PHYH: variants seen among roughly 807,000 people sequenced by gnomAD.
PHYH encodes the protein phytanoyl-CoA 2-hydroxylase.
A neutral mutation model predicts 38.5 loss-of-function variants in PHYH; 32 were observed. The observed-to-expected ratio is 0.83, with a 90% CI of 0.63 to 1.12. PHYH has a LOEUF of 1.12. Ranked by LOEUF, PHYH falls within the 50% of genes most tolerant of loss-of-function variation. PHYH has a pLI of 0.00. For missense variants in PHYH, 426 were observed against 434.8 expected (o/e 0.98, Z 0.18); for synonymous variants, 166 against 157.9 (o/e 1.05, Z -0.38).
At chr10:13,298,491 G>A (rs925493514) in intron 1 of PHYH, among the ~76,000 whole-genome samples, 3 of 151,126 alleles carry the variant, frequency 2.0e-5, no homozygotes, top group African/African-American at 2.4e-5. Context: ...ACCTGAGGTC[G>A]GGATTTCGAG....
intron 1 of PHYH, chr10:13,299,596 C>A (rs1058595): frequency 9.6e-7 from 1 of 1,038,806 alleles, no homozygotes; most frequent in Non-Finnish European, 1.2e-6. Context: ...GGCAGCCCTG[C>A]GCGCCTGTGC....
intron 7 of PHYH, among the ~76,000 whole-genome samples, chr10:13,282,545 TTGCATCACTG>T (rs1177586342): frequency 6.9e-6 from 1 of 145,776 alleles, no homozygotes; most frequent in Non-Finnish European, 1.5e-5. Context: ...TCAGCTGAGA[TTGCATCACTG>T]CAATCCAGCC....
At chr10:13,290,115 CAAAAAAA>C (rs1172422242) in intron 5 of PHYH, among the ~76,000 whole-genome samples, 469 of 33,414 alleles carry the variant, frequency 0.014, 7 homozygotes, top group African/African-American at 0.051. Flanking sequence ...CTAAAAATAC[CAAAAAAA>C]AAAAAAAAAA....
At chr10:13,299,463 A>G in intron 1 of PHYH, 1 of 1,002,556 alleles carries the variant, frequency 1.0e-6, no homozygotes, top group Non-Finnish European at 1.2e-6. Context: ...ACTCAGTGGC[A>G]ATGCCGTAGT....
At chr10:13,290,141 A>G (rs1216530962) in intron 5 of PHYH, among the ~76,000 whole-genome samples, 2 of 142,176 alleles carry the variant, frequency 1.4e-5, no homozygotes, top group Non-Finnish European at 3.1e-5. Flanking sequence ...AAAAAAAAAA[A>G]AAAATTAGCT....
At chr10:13,286,669 C>G (rs1463393067) in intron 6 of PHYH, among the ~76,000 whole-genome samples, 4 of 149,878 alleles carry the variant, frequency 2.7e-5, no homozygotes, top group African/African-American at 7.4e-5. Flanking sequence ...CCACTGCACT[C>G]CAGCCTGGTG....
chr10:13,281,374 G>C (rs775529116), intron 7 of PHYH, among the ~76,000 whole-genome samples: 6 of 151,234 alleles, frequency 4.0e-5, no homozygotes, highest in African/African-American at 7.3e-5. Flanking sequence ...AGAGGGAATG[G>C]AATTATGTCA....
At chr10:13,294,065 G>A (rs2985297) in intron 4 of PHYH, among the ~76,000 whole-genome samples, 104,212 of 151,730 alleles carry the variant, frequency 0.69, 36,578 homozygotes, top group South Asian at 0.83. Context: ...AGCCAGGTGT[G>A]GTGGCAGGCA....
At chr10:13,287,493 C>T (rs1445809381) in intron 6 of PHYH, among the ~76,000 whole-genome samples, 3 of 152,134 alleles carry the variant, frequency 2.0e-5, no homozygotes. Context: ...TTTTTGGGCT[C>T]ACCTCCTCTG....
chr10:13,279,995 G>C (rs1234722627), intron 8 of PHYH, among the ~76,000 whole-genome samples: 1 of 152,178 alleles, frequency 6.6e-6, no homozygotes, highest in Non-Finnish European at 1.5e-5. Context: ...TTGAGACAGA[G>C]TCTCGCTCTG....
At chr10:13,282,287 A>T (rs904317706) in intron 7 of PHYH, among the ~76,000 whole-genome samples, 3 of 152,044 alleles carry the variant, frequency 2.0e-5, no homozygotes, top group African/African-American at 7.2e-5. Flanking sequence ...ATGTTTTAAA[A>T]TAAAAGCATT....
In PHYH at chr10:13,294,827, T is replaced by C. The variant is rs139965328; in HGVS notation, c.246-231A>G. On this transcript the variant is annotated intron_variant, in intron 3 of 8. Transcript: ENST00000263038. ...GCATACCAGTAGGGAAGTCTTTTTA[T>C]AATTTGGTTACATTGTAATAATAAT... 95 of 545,118 alleles carry C rather than the reference T, an allele frequency of 1.7e-4. No individual in the cohort carries two copies. The East Asian group carries it at 3.0e-3, about 17-fold the overall frequency. The allele number at this position is 545,118 out of a possible 1,614,324, so 33.8% of individuals were successfully genotyped here.
chr10:13,290,410 C>G (rs531168551), intron 5 of PHYH, among the ~76,000 whole-genome samples: 1 of 152,296 alleles, frequency 6.6e-6, no homozygotes, highest in Admixed American at 6.5e-5. Context: ...CTGGTTTGCT[C>G]CCTGAGTGTG....
chr10:13,283,883 T>G (rs1835480625), intron 6 of PHYH, 44 bp from the exon 7 acceptor site: 1 of 1,538,710 alleles, frequency 6.5e-7, no homozygotes, highest in Admixed American at 1.7e-5. Flanking sequence ...GGGAGTACCA[T>G]AATTAAAAAC....
rs61660763 is a variant in PHYH at position 13,298,922 on chromosome 10, A to AAATAAT, written c.76-683_76-678dup. Among the ~76,000 whole-genome samples the AAATAAT allele has an allele frequency of 9.1e-3, 529 of 58,034 alleles. 1 individual carries two copies. The highest frequency in any genetic ancestry group is 0.011 in the Non-Finnish European group (261 of 22,972). The allele number at this position is 58,034 out of a possible 152,430, so 38.1% of individuals were successfully genotyped here. On this transcript the variant is annotated intron_variant, in intron 1 of 8. Transcript: ENST00000263038. ...ACCACAGAGCAAGACTCCGTCTCAA[A>AAATAAT]AATAATAATAATAATAATAATAATA...
rs1036985319 is a variant in PHYH, at chr10:13,300,051, C to T, written c.-9G>A. On this transcript the variant is annotated 5_prime_UTR_variant, in exon 1 of 9. Coordinates refer to ENST00000263038, the MANE Select transcript of PHYH (RefSeq NM_006214.4). ...GCGCGAAGCTGCTCCATGGCTGCGG[C>T]GCGGGGAACCCCCACCCCTCCCGGC... 1 of 1,530,260 alleles carries T rather than the reference C, an allele frequency of 6.5e-7. No homozygotes were observed. The highest frequency in any genetic ancestry group is 8.7e-7 in the Non-Finnish European group (1 of 1,143,892). The allele number at this position is 1,530,260 out of a possible 1,614,324, so 94.8% of individuals were successfully genotyped here. A position where few individuals can be genotyped will look rare whatever the true frequency, so the allele number is the denominator to read the frequency against.
At chr10:13,299,627 CA>C (rs1479796083) in intron 1 of PHYH, 1 of 1,115,116 alleles carries the variant, frequency 9.0e-7, no homozygotes, top group Non-Finnish European at 1.1e-6. Flanking sequence ...TGTGATTGGA[CA>C]TCTCTGGGTC....
At chr10:13,290,369 G>A (rs926588772) in intron 5 of PHYH, among the ~76,000 whole-genome samples, 3 of 152,040 alleles carry the variant, frequency 2.0e-5, no homozygotes, top group Non-Finnish European at 4.4e-5. Flanking sequence ...ATGTCCAGTC[G>A]GAGTGCCCAT....
intron 8 of PHYH, among the ~76,000 whole-genome samples, chr10:13,279,093 G>A (rs1234017467): frequency 6.6e-6 from 1 of 151,796 alleles, no homozygotes; most frequent in Non-Finnish European, 1.5e-5. Context: ...CTGCCTCCTG[G>A]GTTCAAATGA....
Sources: allele counts gnomAD v4.1 joint callset (sites outside exome capture counted in the v4.1 genomes callset), GRCh38; gene constraint gnomAD v4.1.1; transcripts MANE v1.5; gene names NCBI Gene and HGNC (gene_info 2026-07-23, HGNC 2026-07-21).